DPP10: variants seen among roughly 807,000 people sequenced by gnomAD.
DPP10 encodes the protein dipeptidyl peptidase like 10.
DPP10 carries 33 observed loss-of-function variants against 120.9 expected under a neutral mutation model. That is an observed-to-expected ratio of 0.27 (90% CI 0.21 to 0.37). DPP10 has a LOEUF of 0.37. Among genes scored for constraint, DPP10 ranks in the 10% least tolerant of loss-of-function variants. DPP10 has a pLI of 1.00. For missense variants in DPP10, 816 were observed against 942.8 expected (o/e 0.87, Z 1.76); for synonymous variants, 337 against 326.1 (o/e 1.03, Z -0.36).
intron 9 of DPP10, 63 bp from the exon 10 acceptor site, chr2:115,746,023 C>T (rs924614875): frequency 7.5e-6 from 9 of 1,199,210 alleles, no homozygotes; most frequent in Non-Finnish European, 1.0e-5. Context: ...AAATCCTTTT[C>T]TTTTTTACCC....
At chr2:114,454,165 T>A (rs1678436360) in intron 1 of DPP10, among the ~76,000 whole-genome samples, 1 of 152,104 alleles carries the variant, frequency 6.6e-6, no homozygotes. Flanking sequence ...AGCAGCTTGG[T>A]GAAGAATCGG....
chr2:114,934,846 C>T (rs1696339683), intron 1 of DPP10, among the ~76,000 whole-genome samples: 3 of 152,096 alleles, frequency 2.0e-5, no homozygotes, highest in East Asian at 1.9e-4. Flanking sequence ...AGTATCATAG[C>T]GTTCATTTTT....
At chr2:114,647,062 T>C (rs1696195252) in intron 1 of DPP10, among the ~76,000 whole-genome samples, 1 of 152,220 alleles carries the variant, frequency 6.6e-6, no homozygotes, top group Admixed American at 6.5e-5. Flanking sequence ...TGCCATAACA[T>C]CATCTTTCAA....
intron 5 of DPP10, among the ~76,000 whole-genome samples, chr2:115,625,051 A>C (rs2085252018): frequency 6.6e-6 from 1 of 151,524 alleles, no homozygotes; most frequent in Non-Finnish European, 1.5e-5. Flanking sequence ...ATAAATAACG[A>C]TATGAATTAC....
At chr2:115,813,819 C>T (rs981754251) in intron 19 of DPP10, among the ~76,000 whole-genome samples, 3 of 152,204 alleles carry the variant, frequency 2.0e-5, no homozygotes, top group East Asian at 1.9e-4. Flanking sequence ...AAGAGGAAGG[C>T]GGGAGAGTTT....
intron 3 of DPP10, among the ~76,000 whole-genome samples, chr2:115,421,851 C>T (rs1045442976): frequency 9.7e-6 from 1 of 102,788 alleles, no homozygotes; most frequent in African/African-American, 3.9e-5. Context: ...AGCCTGGCGA[C>T]AGAGCAAGAC....
At chr2:114,763,640 C>A (rs1680467729) in intron 1 of DPP10, among the ~76,000 whole-genome samples, 1 of 152,022 alleles carries the variant, frequency 6.6e-6, no homozygotes, top group African/African-American at 2.4e-5. Context: ...TGGAAAGAAT[C>A]TGGTAGTGTT....
chr2:114,971,503 C>A (rs1164286763), intron 1 of DPP10, among the ~76,000 whole-genome samples: 2 of 152,056 alleles, frequency 1.3e-5, no homozygotes, highest in Non-Finnish European at 1.5e-5. Flanking sequence ...TGTAAAAACA[C>A]CTTTGGAAGA....
intron 7 of DPP10, among the ~76,000 whole-genome samples, chr2:115,713,767 C>G (rs2092404463): frequency 1.3e-5 from 2 of 152,096 alleles, no homozygotes; most frequent in South Asian, 4.1e-4. Flanking sequence ...CCTCCTTTTT[C>G]CCCTCTTTGG....
intron 1 of DPP10, among the ~76,000 whole-genome samples, chr2:114,458,260 C>T (rs1214865003): frequency 6.6e-6 from 1 of 152,166 alleles, no homozygotes; most frequent in Non-Finnish European, 1.5e-5. Context: ...TAGCATCTTG[C>T]TTGGCAATCT....
intron 1 of DPP10, among the ~76,000 whole-genome samples, chr2:114,988,040 G>A (rs1415159578): frequency 4.6e-5 from 7 of 151,866 alleles, no homozygotes; most frequent in Admixed American, 2.6e-4. Flanking sequence ...TCCTGACCTC[G>A]TGATCCGCCC....
At chr2:115,363,751 G>A (rs1269607309) in intron 3 of DPP10, among the ~76,000 whole-genome samples, 3 of 152,088 alleles carry the variant, frequency 2.0e-5, no homozygotes, top group African/African-American at 7.2e-5. Context: ...CATTTCTCTA[G>A]ACTCTATGAC....
intron 1 of DPP10, among the ~76,000 whole-genome samples, chr2:114,933,080 C>CT (rs201828616): frequency 3.3e-5 from 5 of 152,094 alleles, no homozygotes; most frequent in African/African-American, 1.2e-4. Context: ...TATTCATCCT[C>CT]TTTTTTTAAA....
At chr2:114,445,581 T>A (rs1573370110) in intron 1 of DPP10, among the ~76,000 whole-genome samples, 1 of 143,286 alleles carries the variant, frequency 7.0e-6, no homozygotes, top group East Asian at 2.0e-4. Flanking sequence ...TGTGTGTGTG[T>A]TCTCCTCCAC....
intron 1 of DPP10, among the ~76,000 whole-genome samples, chr2:114,444,540 G>C (rs1677832891): frequency 6.7e-6 from 1 of 150,166 alleles, no homozygotes; most frequent in Non-Finnish European, 1.5e-5. Flanking sequence ...CTTTATTAGT[G>C]CTCTGGCATT....
In DPP10 at chr2:115,814,816, T is replaced by C. The variant is rs763803779; in HGVS notation, c.1724T>C (p.Leu575Pro). 19 of 1,561,210 alleles carry C rather than the reference T, an allele frequency of 1.2e-5. No individual in the cohort carries two copies. The highest frequency in any genetic ancestry group is 1.6e-5 in the Non-Finnish European group (18 of 1,142,198). The change falls in exon 20 of 26, where the codon CTG becomes CCG. Residue 575 changes from leucine to proline, a missense_variant. This residue lies in a region of DPP10 where 592 missense variants were observed against 649.0 expected (regional missense o/e 0.91). Coordinates refer to ENST00000410059, the MANE Select transcript of DPP10 (RefSeq NM_020868.6). The stretch of plus-strand genomic sequence containing the variant: ...AGGGATGAAGAACCAGGAGGCCAGC[T>C]GGTTACAGATAAGTTCCATATTGAC... ...LIMDEEPGGQ[L>P]VTDKFHIDWD...
intron 3 of DPP10, among the ~76,000 whole-genome samples, chr2:115,404,513 G>A (rs1172594200): frequency 1.3e-5 from 2 of 152,170 alleles, no homozygotes; most frequent in Non-Finnish European, 2.9e-5. Flanking sequence ...CAAATCAATG[G>A]AAAGATATGC....
intron 5 of DPP10, among the ~76,000 whole-genome samples, chr2:115,565,264 A>C (rs1307064433): frequency 6.6e-6 from 1 of 152,200 alleles, no homozygotes; most frequent in East Asian, 1.9e-4. Flanking sequence ...ATTTAATGAA[A>C]TACTATAAAC....
At chr2:114,942,589 G>A (rs902954407) in intron 1 of DPP10, among the ~76,000 whole-genome samples, 6 of 150,584 alleles carry the variant, frequency 4.0e-5, no homozygotes, top group Admixed American at 6.6e-5. Context: ...TTCAGTAGTC[G>A]GAATCCCTGG....
Sources: gnomAD v4.1 joint callset for allele counts (sites outside exome capture counted in the v4.1 genomes callset) on GRCh38, gnomAD v4.1.1 for gene constraint, gnomAD v4.1.1 regional missense constraint, MANE v1.5 for transcripts, NCBI Gene and HGNC (gene_info 2026-07-23, HGNC 2026-07-21) for gene names.